FAM227A: variants seen among roughly 807,000 people sequenced by gnomAD.
FAM227A encodes protein FAM227A.
FAM227A carries 80 observed loss-of-function variants against 74.7 expected under a neutral mutation model. The ratio of observed to expected loss-of-function variants is 1.07; its 90% confidence interval spans 0.89 to 1.29. FAM227A has a LOEUF of 1.29. Ranked by LOEUF, FAM227A falls within the 50% of genes most tolerant of loss-of-function variation. The pLI, the probability that FAM227A is intolerant of heterozygous loss-of-function variation, is 0.00. For missense variants in FAM227A, 654 were observed against 683.4 expected, an observed-to-expected ratio of 0.96 and a Z score of 0.48; for synonymous variants, 237 against 241.8, an observed-to-expected ratio of 0.98 and a Z score of 0.19.
Position 38,582,309 on chromosome 22 carries a change from A to G in FAM227A, c.*3816T>C, listed in dbSNP as rs2090718034. ...TTCATCATCAATTCATAAGCAATTCAAAATCAGGACTATAGGATTTTAACT... is the reference window on the plus strand; with the variant it reads ...TTCATCATCAATTCATAAGCAATTCGAAATCAGGACTATAGGATTTTAACT... On this transcript the variant is annotated 3_prime_UTR_variant, in exon 17 of 17. Transcript: ENST00000535113. 6.5e-7 allele frequency: 1 copy of G among 1,538,136 alleles called. No homozygotes were observed. Among genetic ancestry groups the G allele is most frequent in the Non-Finnish European group, 8.8e-7 (1 of 1,137,206 alleles).
At chr22:38,611,008 C>T (rs751582518) in intron 11 of FAM227A, among the ~76,000 whole-genome samples, 1 of 151,888 alleles carries the variant, frequency 6.6e-6, no homozygotes, top group Non-Finnish European at 1.5e-5. Flanking sequence ...TGCAGTGAGC[C>T]GAGATTGTGC....
chr22:38,609,797 G>A (rs889558807), intron 11 of FAM227A, among the ~76,000 whole-genome samples: 3 of 151,700 alleles, frequency 2.0e-5, no homozygotes, highest in Admixed American at 6.6e-5. Flanking sequence ...TTGAGGTGGA[G>A]TTTCACTCTT....
chr22:38,588,114 A>G (rs1010011395), intron 16 of FAM227A, among the ~76,000 whole-genome samples: 1 of 152,228 alleles, frequency 6.6e-6, no homozygotes, highest in African/African-American at 2.4e-5. Flanking sequence ...CTCAATGGTT[A>G]AAGACTGAAA....
intron 3 of FAM227A, among the ~76,000 whole-genome samples, chr22:38,644,249 G>C (rs2092181522): frequency 6.6e-6 from 1 of 151,760 alleles, no homozygotes; most frequent in Non-Finnish European, 1.5e-5. Flanking sequence ...CCAACTATAT[G>C]GCATTATGGG....
chr22:38,594,790 G>C (rs1431883104), intron 15 of FAM227A, among the ~76,000 whole-genome samples: 2 of 152,002 alleles, frequency 1.3e-5, no homozygotes, highest in African/African-American at 4.8e-5. Context: ...GTGAAACCCA[G>C]TCTCTACTAA....
chr22:38,582,706 G>C lies in FAM227A; in HGVS notation c.*3419C>G. 1 of 1,039,792 alleles carries C rather than the reference G, an allele frequency of 9.6e-7. No homozygotes were observed. The highest frequency in any genetic ancestry group is 1.6e-5 in the South Asian group (1 of 63,146). The allele number at this position is 1,039,792 out of a possible 1,614,324, so 64.4% of individuals were successfully genotyped here. A position where few individuals can be genotyped will look rare whatever the true frequency, so the allele number is the denominator to read the frequency against. ...GACAGACAGAAATGCAGTTTGTCCT[G>C]GGCTTAGAAAATAAGGAGACCTTCT... On this transcript the variant is annotated 3_prime_UTR_variant, in exon 17 of 17. Coordinates refer to ENST00000535113, the MANE Select transcript of FAM227A (RefSeq NM_001013647.2).
intron 6 of FAM227A, among the ~76,000 whole-genome samples, chr22:38,634,200 A>T (rs150809641): frequency 0.019 from 2,689 of 142,560 alleles, 87 homozygotes; most frequent in African/African-American, 0.065. Context: ...CCAGCCTGGG[A>T]GACAGAGCAA....
rs913394438 is a variant in FAM227A at position 38,628,885 on chromosome 22, T to C, written c.570A>G (p.Pro190=). The C allele has an allele frequency of 6.5e-7, 1 of 1,547,894 alleles. No individual in the cohort carries two copies. The highest frequency in any genetic ancestry group is 2.0e-5 in the Admixed American group (1 of 50,356). Residue 190 remains proline (P), a synonymous_variant, in exon 7 of 17, where the codon CCA becomes CCG. Transcript: ENST00000535113. Reference sequence around the variant, plus strand: ...AAAAGCTATCCAGCCAGATGGCTCTTGGAGAAGAAGAAGAGAGAAACTTCT... The same window carrying C: ...AAAAGCTATCCAGCCAGATGGCTCTCGGAGAAGAAGAAGAGAGAAACTTCT... ...ELEKFLSSSS[P]RAIWLDSFWW... is the part of the protein sequence containing the mutation.
At chr22:38,627,899 C>T (rs376264979) in intron 8 of FAM227A, among the ~76,000 whole-genome samples, 3 of 152,104 alleles carry the variant, frequency 2.0e-5, no homozygotes, top group African/African-American at 4.8e-5. Flanking sequence ...CCACCATGCC[C>T]GGCTGGGAAA....
intron 14 of FAM227A, 63 bp downstream of exon 14, chr22:38,599,701 C>T (rs745679836): frequency 5.5e-6 from 8 of 1,458,684 alleles, no homozygotes; most frequent in Non-Finnish European, 7.3e-6. Flanking sequence ...CTGACCTTTG[C>T]TTCTGGGAAG....
Position 38,582,237 on chromosome 22 carries a change from G to A in FAM227A, c.*3888C>T. 1 of 1,166,066 alleles carries A rather than the reference G, an allele frequency of 8.6e-7. No individual in the cohort carries two copies. The highest frequency in any genetic ancestry group is 1.2e-6 in the Non-Finnish European group (1 of 827,212). 72.2% of individuals were successfully genotyped at this position (1,166,066 alleles called of 1,614,324 possible). ...CAGCTTCCCTCCTATCCCCTCTCCA[G>A]CTATCCCTCCTGTTCTTCAGGAAAC... On this transcript the variant is annotated 3_prime_UTR_variant, in exon 17 of 17. Coordinates refer to ENST00000535113, the MANE Select transcript of FAM227A (RefSeq NM_001013647.2).
At chr22:38,655,321 G>C (rs1381584291) in intron 1 of FAM227A, among the ~76,000 whole-genome samples, 2 of 151,566 alleles carry the variant, frequency 1.3e-5, no homozygotes, top group Non-Finnish European at 2.9e-5. Context: ...CCTGAGGTCA[G>C]GAGTTCGAGA....
At chr22:38,632,007 C>G (rs188527078) in intron 6 of FAM227A, among the ~76,000 whole-genome samples, 2 of 151,976 alleles carry the variant, frequency 1.3e-5, no homozygotes, top group Admixed American at 1.3e-4. Flanking sequence ...CCTAAGAGTG[C>G]GCAGAGGTAG....
intron 16 of FAM227A, among the ~76,000 whole-genome samples, chr22:38,589,465 T>G (rs777972971): frequency 2.0e-5 from 3 of 151,956 alleles, no homozygotes; most frequent in Non-Finnish European, 2.9e-5. Context: ...GTTCCAGAAA[T>G]AGCAAAGAAA....
At chr22:38,593,440 G>A (rs944865388) in intron 15 of FAM227A, among the ~76,000 whole-genome samples, 1 of 152,188 alleles carries the variant, frequency 6.6e-6, no homozygotes, top group Non-Finnish European at 1.5e-5. Context: ...AGGAGGCGGA[G>A]CTTGCAGTGA....
intron 3 of FAM227A, among the ~76,000 whole-genome samples, chr22:38,641,628 A>G (rs1469305692): frequency 1.3e-5 from 2 of 151,816 alleles, no homozygotes; most frequent in East Asian, 1.9e-4. Flanking sequence ...GATCTCTCAA[A>G]GAGTACATCT....
Position 38,628,939 on chromosome 22 carries a change from G to C in FAM227A, c.520-4C>G. The C allele has an allele frequency of 6.9e-7, 1 of 1,456,892 alleles. No individual in the cohort carries two copies. Among genetic ancestry groups the C allele is most frequent in the Non-Finnish European group, 9.2e-7 (1 of 1,082,408 alleles). The allele number at this position is 1,456,892 out of a possible 1,614,324, so 90.2% of individuals were successfully genotyped here. A position where few individuals can be genotyped will look rare whatever the true frequency, so the allele number is the denominator to read the frequency against. The stretch of plus-strand genomic sequence containing the variant: ...ATTCTCTACCTGAACAGAAATGCTT[G>C]GAAAAAAAAATTCACAGTATTATTA... On this transcript the variant is annotated splice_polypyrimidine_tract_variant and splice_region_variant and intron_variant, in intron 6 of 16. Coordinates refer to ENST00000535113, the MANE Select transcript of FAM227A (RefSeq NM_001013647.2).
At chr22:38,607,563 T>G (rs1012208435) in intron 11 of FAM227A, 87 bp from the exon 12 acceptor site, 2 of 884,664 alleles carry the variant, frequency 2.3e-6, no homozygotes, top group Admixed American at 2.1e-5. Flanking sequence ...TACAAAAAAG[T>G]AATACATGCA....
intron 15 of FAM227A, 127 bp from the exon 16 acceptor site, chr22:38,591,667 T>C (rs184452423): frequency 4.6e-5 from 30 of 651,798 alleles, no homozygotes; most frequent in Non-Finnish European, 6.9e-5. Context: ...AAGTATAACA[T>C]AGAAACTAGG....
Sources: gnomAD v4.1 joint callset for allele counts (sites outside exome capture counted in the v4.1 genomes callset) on GRCh38, gnomAD v4.1.1 for gene constraint, MANE v1.5 for transcripts, NCBI Gene and HGNC (gene_info 2026-07-23, HGNC 2026-07-21) for gene names.